Variants in NPPA observed in about 807,000 individuals in gnomAD.
The protein encoded by NPPA is natriuretic peptides A.
NPPA carries 10 observed loss-of-function variants against 12.2 expected under a neutral mutation model. That is an observed-to-expected ratio of 0.82 (90% CI 0.50 to 1.38). NPPA has a LOEUF of 1.38. NPPA is among the 40% of genes most tolerant of loss of function. The pLI is 0.00. For synonymous variants in NPPA, 85 were observed against 80.2 expected, an observed-to-expected ratio of 1.06 and a Z score of -0.32; for missense variants, 207 against 193.5, an observed-to-expected ratio of 1.07 and a Z score of -0.41.
In NPPA at chr1:11,847,138, C is replaced by G; in HGVS notation, c.425G>C (p.Ser142Thr). The G allele has an allele frequency of 1.3e-6, 2 of 1,560,120 alleles. No individual in the cohort carries two copies. Among genetic ancestry groups the G allele is most frequent in the South Asian group, 1.2e-5 (1 of 83,820 alleles). Residue 142 changes from serine to threonine, a missense_variant, in exon 2 of 3, where the codon AGC becomes ACC. Transcript: ENST00000376480. ...CCGGAAGCTGTTACAGCCCAGTCCG[C>G]TCTGGGCTCCAATCCTGTCCATCCT... is the stretch of plus-strand genomic sequence containing the variant. ...GGRMDRIGAQSGLGCNSFRY is the reference protein window; with the variant it reads ...GGRMDRIGAQTGLGCNSFRY
chr1:11,845,868 A>G lies in NPPA; in HGVS notation c.*141T>C. 1 of 843,484 alleles carries G rather than the reference A, an allele frequency of 1.2e-6. No individual in the cohort carries two copies. The highest frequency in any genetic ancestry group is 2.1e-6 in the Non-Finnish European group (1 of 483,226). The allele number at this position is 843,484 out of a possible 1,614,324, so 52.2% of individuals were successfully genotyped here. ...TTAGCATAAGATGTGAGAAGTGTTG[A>G]CAGGAAGCTGCAGCTTAGATGGGAT... On this transcript the variant is annotated 3_prime_UTR_variant, in exon 3 of 3. Coordinates refer to ENST00000376480, the MANE Select transcript of NPPA (RefSeq NM_006172.4).
intron 2 of NPPA, among the ~76,000 whole-genome samples, chr1:11,846,911 G>GCCCCC (rs67372226): frequency 1.4e-5 from 2 of 139,012 alleles, no homozygotes; most frequent in African/African-American, 2.6e-5. Context: ...ACTGTGCCCA[G>GCCCCC]CCCCCCCCCC....
At position 11,847,764 on chromosome 1, in the gene NPPA, C is replaced by A. The variant is rs928988890; in HGVS notation, c.-80G>T. The A allele has an allele frequency of 5.6e-6, 9 of 1,603,030 alleles. No homozygotes were observed. Among genetic ancestry groups the A allele is most frequent in the Non-Finnish European group, 6.8e-6 (8 of 1,172,232 alleles). ...TTCCTCTCTGGTTCCCCTCTCTTGG[C>A]CTACGTCTGTCCCTGTCTCCCAGCT... is the stretch of plus-strand genomic sequence containing the variant. On this transcript the variant is annotated 5_prime_UTR_variant, in exon 1 of 3. Transcript: ENST00000376480.
intron 1 of NPPA, 35 bp from the exon 2 acceptor site, chr1:11,847,474 C>T: frequency 6.2e-6 from 10 of 1,614,006 alleles, no homozygotes; most frequent in Non-Finnish European, 7.6e-6. Context: ...AAGGGATAAA[C>T]CTCACTGACT....
At chr1:11,847,001 T>G in intron 2 of NPPA, 112 bp downstream of exon 2, 2 of 793,582 alleles carry the variant, frequency 2.5e-6, no homozygotes, top group Non-Finnish European at 1.8e-6. Context: ...GCACTCTGGG[T>G]GTTGGGGCAG....
chr1:11,846,913 C>T (rs972095312), intron 2 of NPPA, among the ~76,000 whole-genome samples, 200 bp downstream of exon 2: 3 of 61,748 alleles, frequency 4.9e-5, no homozygotes, highest in African/African-American at 2.2e-4. Flanking sequence ...TGTGCCCAGC[C>T]CCCCCCCCTT....
intron 2 of NPPA, 53 bp downstream of exon 2, chr1:11,847,060 G>T: frequency 3.4e-6 from 5 of 1,462,892 alleles, no homozygotes; most frequent in Non-Finnish European, 4.6e-6. Flanking sequence ...CCTGCTGAAG[G>T]TGTCTCCCAG....
chr1:11,846,087 G>A (rs2100674411), intron 2 of NPPA, 73 bp from the exon 3 acceptor site: 1 of 1,495,752 alleles, frequency 6.7e-7, no homozygotes, highest in Non-Finnish European at 9.3e-7. Context: ...ATGTATGAGT[G>A]TGCCCATCCT....
Position 11,847,742 on chromosome 1 carries a change from C to T in NPPA, c.-58G>A, listed in dbSNP as rs61757264. 1.9e-6 allele frequency: 3 copies of T among 1,612,432 alleles called. No homozygotes were observed. The highest frequency in any genetic ancestry group is 2.5e-6 in the Non-Finnish European group (3 of 1,179,724). ...CTGCTCTGTCTCTCCCCTCTGGTTC[C>T]TCTCTGGTTCCCCTCTCTTGGCCTA... On this transcript the variant is annotated 5_prime_UTR_variant, in exon 1 of 3. Transcript: ENST00000376480.
At chr1:11,846,913 C>CA (rs1645072632) in intron 2 of NPPA, among the ~76,000 whole-genome samples, 200 bp downstream of exon 2, 1 of 61,748 alleles carries the variant, frequency 1.6e-5, no homozygotes, top group South Asian at 5.9e-4. Flanking sequence ...TGTGCCCAGC[C>CA]CCCCCCCCTT....
chr1:11,846,633 T>TTTTTTTTTTC, intron 2 of NPPA, among the ~76,000 whole-genome samples: 1 of 145,518 alleles, frequency 6.9e-6, no homozygotes, highest in Non-Finnish European at 1.5e-5. Flanking sequence ...TTTTTTTTTT[T>TTTTTTTTTTC]TTGAGACAGT....
intron 1 of NPPA, 30 bp from the exon 2 acceptor site, chr1:11,847,469 A>AT: frequency 6.2e-7 from 1 of 1,614,070 alleles, no homozygotes; most frequent in Non-Finnish European, 8.5e-7. Flanking sequence ...AGGGAAAGGG[A>AT]TAAACCTCAC....
At position 11,847,435 on chromosome 1, in the gene NPPA, A is replaced by G. The variant is rs1234604040; in HGVS notation, c.128T>C (p.Leu43Ser). ...CATCTTTTCTTCCAAATGGTCCAGC[A>G]AATTCTTTAGAAAAGGAAAATACAG... Reference protein sequence around the residue: ...SNADLMDFKNLLDHLEEKMPL... With the variant: ...SNADLMDFKNSLDHLEEKMPL... The change falls in exon 2 of 3, where the codon TTG becomes TCG. Residue 43 changes from leucine (L) to serine (S), a missense_variant. By Grantham distance (145) the Leu-to-Ser change is moderately radical. Coordinates refer to ENST00000376480, the MANE Select transcript of NPPA (RefSeq NM_006172.4). 1.9e-5 allele frequency: 30 copies of G among 1,614,030 alleles called. No homozygotes were observed. The highest frequency in any genetic ancestry group is 2.4e-5 in the Non-Finnish European group (28 of 1,180,036).
In NPPA at chr1:11,846,598, G is replaced by A. The variant is rs1442881571; in HGVS notation, c.450+515C>T. Among the ~76,000 whole-genome samples the A allele has an allele frequency of 1.3e-4, 19 of 146,618 alleles. 2 individuals carry two copies. Among genetic ancestry groups the A allele is most frequent in the Admixed American group, 3.4e-4 (5 of 14,820 alleles). On this transcript the variant is annotated intron_variant, in intron 2 of 2. Transcript: ENST00000376480. ...GCCTCCCAAAGCGCTGGGATTACAG[G>A]CGTGAGCCACCGTGCCTGGCCTTTT...
intron 2 of NPPA, among the ~76,000 whole-genome samples, chr1:11,846,767 C>T (rs1163713108): frequency 6.6e-6 from 1 of 151,762 alleles, no homozygotes; most frequent in African/African-American, 2.4e-5. Flanking sequence ...AGGTGCCCGC[C>T]ACCACACCCA....
intron 2 of NPPA, 23 bp from the exon 3 acceptor site, chr1:11,846,037 T>A (rs1645066284): frequency 6.2e-7 from 1 of 1,613,860 alleles, no homozygotes; most frequent in Non-Finnish European, 8.5e-7. Flanking sequence ...CACAGACATA[T>A]CTGGCTTGGT....
rs1645063518 is a variant in NPPA, at chr1:11,845,737, T to C, written c.*272A>G. ...GTCTTCTGTCCATGGTGCTGAAGTT[T>C]ATTCACTTTCAAACCACTTTCAGTA... On this transcript the variant is annotated 3_prime_UTR_variant, in exon 3 of 3. Transcript: ENST00000376480. 7.4e-6 allele frequency: 4 copies of C among 542,010 alleles called. No homozygotes were observed. In the Admixed American group the frequency reaches 9.1e-5, roughly 12 times the overall value. The allele number at this position is 542,010 out of a possible 1,614,324, so 33.6% of individuals were successfully genotyped here.
chr1:11,847,719 G>T lies in NPPA; in HGVS notation c.-35C>A. ...GTCAAGGAGCAATCCACTGCTTGCT[G>T]CTCTGTCTCTCCCCTCTGGTTCCTC... On this transcript the variant is annotated 5_prime_UTR_variant, in exon 1 of 3. Transcript: ENST00000376480. 2 of 1,613,506 alleles carry T rather than the reference G, an allele frequency of 1.2e-6. No homozygotes were observed. The highest frequency in any genetic ancestry group is 2.2e-5 in the South Asian group (2 of 91,038).
chr1:11,845,809 CGAG>C lies in NPPA; in HGVS notation c.*197_*199del, dbSNP rs990569799. The C allele has an allele frequency of 1.6e-6, 1 of 633,020 alleles. No homozygotes were observed. The highest frequency in any genetic ancestry group is 1.8e-5 in the African/African-American group (1 of 54,934). The allele number at this position is 633,020 out of a possible 1,614,324, so 39.2% of individuals were successfully genotyped here. On this transcript the variant is annotated 3_prime_UTR_variant, in exon 3 of 3. Transcript: ENST00000376480. ...AATTTAATGCATGGGGTGGGAGAGG[CGAG>C]GAAGTCACCATCAAACCACTTTATC...
Sources: gnomAD v4.1 joint callset for allele counts (sites outside exome capture counted in the v4.1 genomes callset) on GRCh38, gnomAD v4.1.1 for gene constraint, MANE v1.5 for transcripts, NCBI Gene and HGNC (gene_info 2026-07-23, HGNC 2026-07-21) for gene names.